The following MEGF11 variants were observed in gnomAD, a reference collection of about 807,000 sequenced individuals.
MEGF11 encodes the protein multiple EGF like domains 11.
In MEGF11, 126 loss-of-function variants were observed where a neutral mutation model predicts 146.6. That is an observed-to-expected ratio of 0.86 (90% CI 0.74 to 1.00). The LOEUF is 1.00. Among genes scored for constraint, MEGF11 ranks in the 50% least tolerant of loss-of-function variants. The pLI is 0.00. For missense variants in MEGF11, 1,509 were observed against 1,521.2 expected, an observed-to-expected ratio of 0.99 and a Z score of 0.13; for synonymous variants, 532 against 583.4, an observed-to-expected ratio of 0.91 and a Z score of 1.27.
At chr15:66,212,792 AC>A (rs1480874387) in intron 1 of MEGF11, among the ~76,000 whole-genome samples, 1 of 1,094 alleles carries the variant, frequency 9.1e-4, no homozygotes, top group African/African-American at 3.1e-3. Context: ...CCTGCCAGGG[AC>A]TCCCCCCCAG....
At chr15:65,940,612 G>GT (rs2079955309) in intron 10 of MEGF11, among the ~76,000 whole-genome samples, 2 of 152,244 alleles carry the variant, frequency 1.3e-5, no homozygotes, top group African/African-American at 4.8e-5. Flanking sequence ...GCAGGTGCAT[G>GT]TTGGGGAAAA....
chr15:66,079,435 C>T lies in MEGF11; in HGVS notation c.394+14967G>A, dbSNP rs117431512. Among the ~76,000 whole-genome samples, 253 of 152,074 alleles carry T rather than the reference C, an allele frequency of 1.7e-3. 1 individual carries two copies. Among genetic ancestry groups the T allele is most frequent in the Admixed American group, 2.9e-3 (44 of 15,258 alleles). Reference sequence around the variant, plus strand: ...TATGCAGAGGAGAGCCCAGCAGTGGCGGGCTGGGCAGAAGAACCACAACTG... The same window carrying T: ...TATGCAGAGGAGAGCCCAGCAGTGGTGGGCTGGGCAGAAGAACCACAACTG... On this transcript the variant is annotated intron_variant, in intron 5 of 25. Coordinates refer to ENST00000395614, the MANE Select transcript of MEGF11 (RefSeq NM_001385028.1).
intron 2 of MEGF11, among the ~76,000 whole-genome samples, chr15:66,124,685 A>G (rs535391950): frequency 6.6e-6 from 1 of 152,332 alleles, no homozygotes; most frequent in South Asian, 2.1e-4. Flanking sequence ...GGGTACATTG[A>G]GGATATGTCC....
intron 10 of MEGF11, among the ~76,000 whole-genome samples, chr15:65,944,880 A>C (rs953607849): frequency 6.7e-6 from 1 of 150,186 alleles, no homozygotes; most frequent in Non-Finnish European, 1.5e-5. Context: ...CAACTCCCCA[A>C]CTCATATAAA....
At chr15:66,168,181 C>A (rs1567270417) in intron 1 of MEGF11, among the ~76,000 whole-genome samples, 1 of 152,058 alleles carries the variant, frequency 6.6e-6, no homozygotes, top group Non-Finnish European at 1.5e-5. Context: ...TCACCACATT[C>A]CAGCCACCGT....
At position 65,935,322 on chromosome 15, in the gene MEGF11, G is replaced by GA. The variant is rs71139449; in HGVS notation, c.1288-4380dup. 4.2e-3 allele frequency among the ~76,000 whole-genome samples: 147 copies of GA among 35,190 alleles called. 21 individuals carry two copies. The highest frequency in any genetic ancestry group is 0.029 in the Middle Eastern group (2 of 68). The allele number at this position is 35,190 out of a possible 152,430, so 23.1% of individuals were successfully genotyped here. A position where few individuals can be genotyped will look rare whatever the true frequency, so the allele number is the denominator to read the frequency against. On this transcript the variant is annotated intron_variant, in intron 10 of 25. Coordinates refer to ENST00000395614, the MANE Select transcript of MEGF11 (RefSeq NM_001385028.1). ...GTGACAGAGCGAGACTCCGTCTCAA[G>GA]AAAAAAAAAAAAAAAAAAAAAAAAA...
At chr15:66,128,943 T>C (rs991089912) in intron 1 of MEGF11, among the ~76,000 whole-genome samples, 7 of 152,202 alleles carry the variant, frequency 4.6e-5, no homozygotes, top group African/African-American at 7.2e-5. Flanking sequence ...CCACAAGCCA[T>C]GGAAGACTGG....
chr15:66,143,465 T>C (rs966643768), intron 1 of MEGF11, among the ~76,000 whole-genome samples: 4 of 152,144 alleles, frequency 2.6e-5, no homozygotes, highest in Non-Finnish European at 5.9e-5. Flanking sequence ...CCCTGTCCCA[T>C]GGGGTGCTTC....
At chr15:66,053,380 C>T (rs2084530437) in intron 5 of MEGF11, among the ~76,000 whole-genome samples, 1 of 152,116 alleles carries the variant, frequency 6.6e-6, no homozygotes, top group African/African-American at 2.4e-5. Context: ...GTTCAATTAA[C>T]CTGCTTTAGA....
At chr15:65,988,237 G>A (rs112817508) in intron 5 of MEGF11, among the ~76,000 whole-genome samples, 13,737 of 150,918 alleles carry the variant, frequency 0.091, 825 homozygotes, top group Middle Eastern at 0.19. Flanking sequence ...TTGAACTCCT[G>A]GGCTCATCGA....
intron 1 of MEGF11, among the ~76,000 whole-genome samples, chr15:66,245,192 G>A (rs1001929747): frequency 3.3e-5 from 5 of 152,188 alleles, no homozygotes; most frequent in Non-Finnish European, 5.9e-5. Flanking sequence ...AGCCATAATG[G>A]TGAGTCCTAG....
intron 1 of MEGF11, among the ~76,000 whole-genome samples, chr15:66,175,236 A>G (rs1270643587): frequency 1.3e-5 from 2 of 152,160 alleles, no homozygotes; most frequent in Non-Finnish European, 2.9e-5. Context: ...ACTATGTTAA[A>G]TAAGAATGGT....
At chr15:66,202,772 A>G (rs1011747604) in intron 1 of MEGF11, among the ~76,000 whole-genome samples, 1 of 152,150 alleles carries the variant, frequency 6.6e-6, no homozygotes, top group Non-Finnish European at 1.5e-5. Flanking sequence ...TCCCCTCTCC[A>G]GAAGCTCTGG....
chr15:66,167,927 TC>T (rs1178728760), intron 1 of MEGF11, among the ~76,000 whole-genome samples: 2 of 152,044 alleles, frequency 1.3e-5, no homozygotes, highest in African/African-American at 4.8e-5. Flanking sequence ...ATGTAGCCTT[TC>T]CCCCCTGAAC....
At chr15:65,924,927 C>T (rs1436730790) in intron 13 of MEGF11, among the ~76,000 whole-genome samples, 1 of 152,146 alleles carries the variant, frequency 6.6e-6, no homozygotes, top group Non-Finnish European at 1.5e-5. Context: ...CTGTGCTGGC[C>T]TAGGATTTCT....
At chr15:66,155,658 A>G (rs562539877) in intron 1 of MEGF11, among the ~76,000 whole-genome samples, 2 of 152,284 alleles carry the variant, frequency 1.3e-5, no homozygotes, top group African/African-American at 2.4e-5. Context: ...GATCTCCCCC[A>G]TAAGCCTGTC....
Position 66,050,283 on chromosome 15 carries a change from C to T in MEGF11, c.394+44119G>A, listed in dbSNP as rs561738364. On this transcript the variant is annotated intron_variant, in intron 5 of 25. Coordinates refer to ENST00000395614, the MANE Select transcript of MEGF11 (RefSeq NM_001385028.1). The stretch of plus-strand genomic sequence containing the variant: ...ATAAACAAAAGAACTAAATGCAATA[C>T]GTGGAATAGACTGTCCAATGTGGGA... 2.5e-3 allele frequency among the ~76,000 whole-genome samples: 15 copies of T among 6,064 alleles called. No homozygotes were observed. The Non-Finnish European group carries it at 0.078, about 31-fold the overall frequency. 4.0% of individuals were successfully genotyped at this position (6,064 alleles called of 152,430 possible). A position where few individuals can be genotyped will look rare whatever the true frequency, so the allele number is the denominator to read the frequency against.
intron 5 of MEGF11, among the ~76,000 whole-genome samples, chr15:66,071,094 G>C (rs1283292106): frequency 1.3e-5 from 2 of 151,842 alleles, no homozygotes; most frequent in Non-Finnish European, 2.9e-5. Context: ...GCATTGTATG[G>C]GCATAAAGAA....
chr15:66,157,397 T>C (rs981569408), intron 1 of MEGF11, among the ~76,000 whole-genome samples: 1 of 152,122 alleles, frequency 6.6e-6, no homozygotes, highest in Non-Finnish European at 1.5e-5. Flanking sequence ...CCTGCCATCA[T>C]CCCACACACC....
Sources: allele counts gnomAD v4.1 joint callset (sites outside exome capture counted in the v4.1 genomes callset), GRCh38; gene constraint gnomAD v4.1.1; transcripts MANE v1.5; gene names NCBI Gene and HGNC (gene_info 2026-07-23, HGNC 2026-07-21).